The following CERT1 variants were observed in gnomAD, a reference collection of about 807,000 sequenced individuals.
CERT1 encodes the protein ceramide transfer protein.
CERT1 carries 31 observed loss-of-function variants against 87.9 expected under a neutral mutation model. The ratio of observed to expected loss-of-function variants is 0.35; its 90% CI spans 0.27 to 0.48. CERT1 has a LOEUF of 0.48. Among genes scored for constraint, CERT1 ranks in the 20% least tolerant of loss-of-function variants. The probability of loss-of-function intolerance (pLI) is 0.99; values close to 1 mark genes in which losing one functional copy is unlikely to be tolerated. For synonymous variants in CERT1, 289 were observed against 250.9 expected (o/e 1.15, Z -1.44); for missense variants, 487 against 758.0 (o/e 0.64, Z 4.20).
intron 3 of CERT1, among the ~76,000 whole-genome samples, chr5:75,457,769 T>G (rs13166835): frequency 6.9e-6 from 1 of 144,542 alleles, no homozygotes; most frequent in Non-Finnish European, 1.6e-5. Context: ...GGTGTAGGGG[T>G]GTGTGTGTGT....
intron 2 of CERT1, among the ~76,000 whole-genome samples, chr5:75,491,521 A>G (rs1561300729): frequency 6.6e-6 from 1 of 152,064 alleles, no homozygotes; most frequent in South Asian, 2.1e-4. Context: ...ACAAAAAAAA[A>G]GGGTGGATTT....
At chr5:75,392,600 G>A (rs1367083211) in intron 11 of CERT1, among the ~76,000 whole-genome samples, 1 of 152,140 alleles carries the variant, frequency 6.6e-6, no homozygotes, top group African/African-American at 2.4e-5. Flanking sequence ...CTTGGGCACT[G>A]GTGACCAGAC....
chr5:75,372,089 C>T (rs1469550346), intron 17 of CERT1: 1 of 152,260 alleles, frequency 6.6e-6, no homozygotes, highest in East Asian at 1.9e-4. Flanking sequence ...AAAAGTATAT[C>T]ATCACATTTA....
At chr5:75,393,602 T>TTAAAAAAAAAAAAAAAAAAAAAAA (rs1179766169) in intron 11 of CERT1, among the ~76,000 whole-genome samples, 2 of 32,754 alleles carry the variant, frequency 6.1e-5, no homozygotes, top group East Asian at 2.3e-3. Context: ...CTCATCTACT[T>TTAAAAAAAAAAAAAAAAAAAAAAA]AAAAAAAAAA....
At position 75,500,927 on chromosome 5, in the gene CERT1, T is replaced by C. The variant is rs367782482; in HGVS notation, c.231+5055A>G. Among the ~76,000 whole-genome samples the C allele has an allele frequency of 7.2e-4, 109 of 152,300 alleles. 1 individual carries two copies. Among genetic ancestry groups the C allele is most frequent in the African/African-American group, 2.5e-3 (106 of 41,580 alleles). On this transcript the variant is annotated intron_variant, in intron 2 of 16. Coordinates refer to ENST00000643780, the MANE Select transcript of CERT1 (RefSeq NM_001379029.1). ...GCACTTTCAAAATTTATGTTTATTT[T>C]TGTGGTTCTCTTCAATTTTGAACAC...
At chr5:75,502,911 C>G (rs1162382246) in intron 2 of CERT1, among the ~76,000 whole-genome samples, 1 of 151,990 alleles carries the variant, frequency 6.6e-6, no homozygotes, top group Non-Finnish European at 1.5e-5. Context: ...GCTATAATAA[C>G]TGAAGAATTC....
downstream of CERT1, chr5:75,374,483 C>T: frequency 2.8e-6 from 2 of 723,130 alleles, no homozygotes; most frequent in Non-Finnish European, 5.1e-6. Context: ...AAAGAAGGAA[C>T]AATGGTTGTG....
chr5:75,389,774 G>T, intron 11 of CERT1, 87 bp from the exon 12 acceptor site: 2 of 1,000,660 alleles, frequency 2.0e-6, no homozygotes, highest in Middle Eastern at 2.1e-4. Context: ...CTTCAGTTCA[G>T]AAATGGTGCT....
intron 15 of CERT1, 92 bp from the exon 16 acceptor site, chr5:75,381,293 C>T: frequency 7.2e-7 from 1 of 1,387,192 alleles, no homozygotes; most frequent in Non-Finnish European, 1.0e-6. Flanking sequence ...AAAATCGTAA[C>T]TCTTAAAAGT....
chr5:75,450,311 G>A (rs1327933685), intron 3 of CERT1, among the ~76,000 whole-genome samples: 3 of 152,058 alleles, frequency 2.0e-5, no homozygotes, highest in Admixed American at 6.6e-5. Flanking sequence ...GTTCAGGCAC[G>A]GGGCTGACCA....
intron 3 of CERT1, among the ~76,000 whole-genome samples, chr5:75,450,296 TG>T (rs1274063558): frequency 6.6e-6 from 1 of 152,186 alleles, no homozygotes; most frequent in Admixed American, 6.5e-5. Flanking sequence ...TCTCCTTCCT[TG>T]GGAGTTCAGG....
intron 3 of CERT1, among the ~76,000 whole-genome samples, chr5:75,455,900 CTTTAT>C (rs1407601789): frequency 6.6e-6 from 1 of 152,188 alleles, no homozygotes; most frequent in Non-Finnish European, 1.5e-5. Context: ...CAAAATACTA[CTTTAT>C]TTTTCAGGAT....
chr5:75,444,406 C>T (rs752829713), intron 3 of CERT1, among the ~76,000 whole-genome samples: 22 of 152,112 alleles, frequency 1.4e-4, no homozygotes, highest in Middle Eastern at 6.8e-3. Flanking sequence ...AGAGTTGGAT[C>T]CATTTACATT....
intron 3 of CERT1, among the ~76,000 whole-genome samples, chr5:75,447,770 G>A (rs930179248): frequency 2.0e-5 from 3 of 151,626 alleles, no homozygotes; most frequent in African/African-American, 4.8e-5. Flanking sequence ...CACCACACCC[G>A]GCCTCCTTTT....
chr5:75,411,184 C>T (rs937761019), intron 7 of CERT1, 81 bp from the exon 8 acceptor site: 15 of 730,444 alleles, frequency 2.1e-5, no homozygotes, highest in Admixed American at 2.0e-4. Context: ...AATTCCTCTA[C>T]ATTTCACTGA....
At chr5:75,478,648 A>C (rs1766081803) in intron 2 of CERT1, among the ~76,000 whole-genome samples, 1 of 152,146 alleles carries the variant, frequency 6.6e-6, no homozygotes, top group South Asian at 2.1e-4. Flanking sequence ...GCAGAAGACT[A>C]GAGGTTTTCT....
chr5:75,448,319 A>G (rs1764638481), intron 3 of CERT1, among the ~76,000 whole-genome samples: 1 of 152,234 alleles, frequency 6.6e-6, no homozygotes, highest in Admixed American at 6.5e-5. Flanking sequence ...TTATTTGCCT[A>G]TGAAGTACAT....
intron 2 of CERT1, among the ~76,000 whole-genome samples, chr5:75,504,138 G>A (rs183583966): frequency 5.3e-4 from 80 of 151,850 alleles, no homozygotes; most frequent in Admixed American, 1.6e-3. Context: ...ATAATAATAC[G>A]CAAAAGAAGG....
At chr5:75,435,601 T>A (rs1232181503) in intron 3 of CERT1, among the ~76,000 whole-genome samples, 1 of 152,220 alleles carries the variant, frequency 6.6e-6, no homozygotes, top group Non-Finnish European at 1.5e-5. Flanking sequence ...GGGCTTTCTT[T>A]TTTTATATTG....
Sources: allele counts gnomAD v4.1 joint callset (sites outside exome capture counted in the v4.1 genomes callset), GRCh38; gene constraint gnomAD v4.1.1; transcripts MANE v1.5; gene names NCBI Gene and HGNC (gene_info 2026-07-23, HGNC 2026-07-21).